MLLT10: variants seen among roughly 807,000 people sequenced by gnomAD.
MLLT10 encodes the protein MLLT10 histone lysine methyltransferase DOT1L cofactor.
Under a neutral mutation model 129.1 loss-of-function variants are expected in MLLT10, and 30 were observed. The observed-to-expected ratio is 0.23, with a 90% CI of 0.17 to 0.32. MLLT10 has a LOEUF of 0.32. MLLT10 is among the 10% of genes least tolerant of loss of function. The probability of loss-of-function intolerance (pLI) is 1.00; values close to 1 mark genes in which losing one functional copy is unlikely to be tolerated. For synonymous variants in MLLT10, 490 were observed against 446.4 expected, an observed-to-expected ratio of 1.10 and a Z score of -1.23; for missense variants, 1,119 against 1,268.3, an observed-to-expected ratio of 0.88 and a Z score of 1.79.
chr10:21,662,613 A>G (rs2050324688), intron 9 of MLLT10, among the ~76,000 whole-genome samples: 1 of 152,038 alleles, frequency 6.6e-6, no homozygotes, highest in Admixed American at 6.6e-5. Context: ...TTTTCCATTA[A>G]ATTCCTTATC....
chr10:21,576,832 T>C (rs2040817326), intron 3 of MLLT10, among the ~76,000 whole-genome samples: 2 of 151,860 alleles, frequency 1.3e-5, no homozygotes, highest in Non-Finnish European at 2.9e-5. Flanking sequence ...GGTTTCTTCA[T>C]GTTGATCAGG....
rs774100160 is a variant in MLLT10 at position 21,726,253 on chromosome 10, C to G, written c.1888C>G (p.Leu630Val). ...PAVATTQANT[L>V]SGSSLSQAPS... is the part of the protein sequence containing the mutation. ...AATTTTTTCCATTTAGGCAAATACT[C>G]TATCTGGATCTTCTCTCAGTCAGGC... Residue 630 changes from leucine (L) to valine (V), a missense_variant, in exon 15 of 23, where the codon CTA becomes GTA. Around this residue, in one of 5 missense-constraint regions of MLLT10, gnomAD observed 1,004 missense variants for 1,008.7 expected, o/e 1.00. Coordinates refer to ENST00000307729, the MANE Select transcript of MLLT10 (RefSeq NM_001195626.3). The G allele has an allele frequency of 6.2e-7, 1 of 1,603,664 alleles. No homozygotes were observed. Among genetic ancestry groups the G allele is most frequent in the Non-Finnish European group, 8.5e-7 (1 of 1,172,980 alleles).
At chr10:21,636,397 T>G (rs1321016562) in intron 8 of MLLT10, among the ~76,000 whole-genome samples, 1 of 152,160 alleles carries the variant, frequency 6.6e-6, no homozygotes, top group African/African-American at 2.4e-5. Context: ...CTACCAGTGT[T>G]ACGATTACAG....
intron 8 of MLLT10, among the ~76,000 whole-genome samples, chr10:21,634,369 A>G (rs933456703): frequency 6.6e-6 from 1 of 152,190 alleles, no homozygotes; most frequent in Non-Finnish European, 1.5e-5. Flanking sequence ...TGTTAAGCAT[A>G]TTTGATGGAA....
intron 20 of MLLT10, among the ~76,000 whole-genome samples, chr10:21,734,883 A>G (rs2058236069): frequency 6.6e-6 from 1 of 152,240 alleles, no homozygotes; most frequent in Non-Finnish European, 1.5e-5. Context: ...TTTCTATTCC[A>G]TAAAATGAGT....
chr10:21,726,599 A>G (rs1214086218), intron 15 of MLLT10, among the ~76,000 whole-genome samples: 2 of 151,902 alleles, frequency 1.3e-5, no homozygotes, highest in Non-Finnish European at 2.9e-5. Context: ...CCAAATTTAT[A>G]TAATTACAAA....
At chr10:21,713,455 C>G (rs1037018653) in intron 13 of MLLT10, among the ~76,000 whole-genome samples, 2 of 152,208 alleles carry the variant, frequency 1.3e-5, no homozygotes, top group African/African-American at 4.8e-5. Context: ...CTTCATTCCT[C>G]TATTTAAGAA....
At chr10:21,552,935 A>G (rs2037324302) in intron 3 of MLLT10, among the ~76,000 whole-genome samples, 1 of 150,690 alleles carries the variant, frequency 6.6e-6, no homozygotes, top group Non-Finnish European at 1.5e-5. Context: ...TCCTTTTTAA[A>G]CCAGGGACCT....
intron 5 of MLLT10, among the ~76,000 whole-genome samples, chr10:21,599,831 G>A (rs1285340468): frequency 6.6e-6 from 1 of 152,128 alleles, no homozygotes; most frequent in African/African-American, 2.4e-5. Context: ...GCCTCCCAAG[G>A]TGCTAAGATT....
At chr10:21,564,752 A>AG (rs2039327429) in intron 3 of MLLT10, among the ~76,000 whole-genome samples, 1 of 149,934 alleles carries the variant, frequency 6.7e-6, no homozygotes, top group South Asian at 2.1e-4. Flanking sequence ...TGAACCCAGG[A>AG]GGTGGAGGTT....
intron 13 of MLLT10, among the ~76,000 whole-genome samples, chr10:21,690,669 G>C: frequency 6.6e-6 from 1 of 151,750 alleles, no homozygotes; most frequent in Admixed American, 6.6e-5. Context: ...CTCTGTCCTG[G>C]AGTTACTGTT....
At chr10:21,609,666 G>A (rs921108143) in intron 5 of MLLT10, among the ~76,000 whole-genome samples, 4 of 152,142 alleles carry the variant, frequency 2.6e-5, no homozygotes, top group African/African-American at 7.2e-5. Context: ...TTCAGTTGTT[G>A]TACTTGTTTC....
chr10:21,611,399 C>T (rs1327032065), intron 5 of MLLT10, among the ~76,000 whole-genome samples: 2 of 151,330 alleles, frequency 1.3e-5, no homozygotes, highest in African/African-American at 4.9e-5. Context: ...AATATTGTTG[C>T]ATGGTGTTAT....
intron 3 of MLLT10, among the ~76,000 whole-genome samples, chr10:21,574,094 T>C (rs893756161): frequency 6.6e-6 from 1 of 152,214 alleles, no homozygotes; most frequent in Non-Finnish European, 1.5e-5. Context: ...AAGGAACTTA[T>C]CAGTGAAAAA....
At chr10:21,582,653 A>G (rs1259567528) in intron 3 of MLLT10, among the ~76,000 whole-genome samples, 1 of 152,096 alleles carries the variant, frequency 6.6e-6, no homozygotes, top group Non-Finnish European at 1.5e-5. Context: ...TAAGTAGGGT[A>G]ATAGTGGAGA....
intron 3 of MLLT10, among the ~76,000 whole-genome samples, chr10:21,565,945 CTTTTTTTT>C (rs1204388391): frequency 8.8e-5 from 7 of 79,358 alleles, no homozygotes; most frequent in Non-Finnish European, 1.1e-4. Flanking sequence ...CAATCTTTGG[CTTTTTTTT>C]TTTTTTTTTT....
At chr10:21,639,233 C>T (rs1195783396) in intron 8 of MLLT10, among the ~76,000 whole-genome samples, 1 of 152,202 alleles carries the variant, frequency 6.6e-6, no homozygotes, top group African/African-American at 2.4e-5. Flanking sequence ...GGGGATTTCT[C>T]CCCACCAAGC....
chr10:21,700,256 T>C (rs993209544), intron 13 of MLLT10, among the ~76,000 whole-genome samples: 7 of 152,148 alleles, frequency 4.6e-5, no homozygotes, highest in African/African-American at 1.2e-4. Flanking sequence ...TCAGTTCTTA[T>C]AGTCTTTTGG....
At chr10:21,627,663 C>T (rs1473021954) in intron 8 of MLLT10, among the ~76,000 whole-genome samples, 1 of 152,162 alleles carries the variant, frequency 6.6e-6, no homozygotes, top group Non-Finnish European at 1.5e-5. Context: ...TTTAAATCTT[C>T]ATACAGCTGT....
Sources: gnomAD v4.1 joint callset for allele counts (sites outside exome capture counted in the v4.1 genomes callset) on GRCh38, gnomAD v4.1.1 for gene constraint, gnomAD v4.1.1 regional missense constraint, MANE v1.5 for transcripts, NCBI Gene and HGNC (gene_info 2026-07-23, HGNC 2026-07-21) for gene names.